The following AFG2A variants were observed in gnomAD, a reference collection of about 807,000 sequenced individuals.
AFG2A encodes ATPase family gene 2 protein homolog A.
the AFG2A span, among the ~76,000 whole-genome samples, chr4:122,980,950 A>G: frequency 1.3e-5 from 2 of 151,834 alleles, no homozygotes; most frequent in South Asian, 2.1e-4. Flanking sequence ...CTCCCATTCC[A>G]TAGGTTGTCT....
At chr4:123,248,314 G>C in the AFG2A span, among the ~76,000 whole-genome samples, 1 of 152,004 alleles carries the variant, frequency 6.6e-6, no homozygotes, top group Non-Finnish European at 1.5e-5. Flanking sequence ...ACATACTACT[G>C]CTTATTTTAT....
the AFG2A span, among the ~76,000 whole-genome samples, chr4:122,961,897 G>T: frequency 1.3e-5 from 2 of 152,222 alleles, no homozygotes; most frequent in Admixed American, 6.5e-5. Flanking sequence ...AAGTTAAATT[G>T]ATGTATATGT....
the AFG2A span, among the ~76,000 whole-genome samples, chr4:123,175,974 G>A: frequency 6.6e-6 from 1 of 152,168 alleles, no homozygotes; most frequent in East Asian, 1.9e-4. Flanking sequence ...GGAATTATAA[G>A]AGCTGAGCTT....
chr4:123,051,708 G>T, the AFG2A span, among the ~76,000 whole-genome samples: 2 of 98,546 alleles, frequency 2.0e-5, no homozygotes, highest in East Asian at 6.6e-4. Flanking sequence ...GGATAGTTTT[G>T]CTGGGTACAC....
the AFG2A span, among the ~76,000 whole-genome samples, chr4:123,056,024 T>C: frequency 6.6e-6 from 1 of 152,238 alleles, no homozygotes; most frequent in African/African-American, 2.4e-5. Flanking sequence ...ATCTGGTAAG[T>C]AGACCTGCTT....
the AFG2A span, among the ~76,000 whole-genome samples, chr4:123,311,158 G>C: frequency 6.6e-6 from 1 of 152,180 alleles, no homozygotes; most frequent in African/African-American, 2.4e-5. Context: ...AGACAGGGGA[G>C]TACTAAATAT....
At chr4:123,028,139 T>C in the AFG2A span, 7 of 1,512,666 alleles carry the variant, frequency 4.6e-6, no homozygotes, top group South Asian at 6.0e-5. Flanking sequence ...TTTAGTTCTC[T>C]GTTTGTCCTG....
chr4:122,965,482 T>G, the AFG2A span, among the ~76,000 whole-genome samples: 1 of 152,206 alleles, frequency 6.6e-6, no homozygotes, highest in South Asian at 2.1e-4. Flanking sequence ...GACATTTGGC[T>G]CTCTAAAGCA....
the AFG2A span, among the ~76,000 whole-genome samples, chr4:123,130,272 T>C: frequency 6.6e-6 from 1 of 152,230 alleles, no homozygotes; most frequent in Non-Finnish European, 1.5e-5. Flanking sequence ...TCACCTCAGC[T>C]TCCCAAAGTA....
the AFG2A span, chr4:122,934,454 G>T: frequency 6.2e-7 from 1 of 1,614,192 alleles, no homozygotes; most frequent in Non-Finnish European, 8.5e-7. Flanking sequence ...GAAGTCACAG[G>T]TCTTAAATGT....
At chr4:123,207,285 C>CTTTTTT in the AFG2A span, among the ~76,000 whole-genome samples, 12 of 108,474 alleles carry the variant, frequency 1.1e-4, no homozygotes, top group Non-Finnish European at 1.6e-4. Context: ...GTTGTGTTTC[C>CTTTTTT]TTTTTTTTTT....
At chr4:123,183,363 A>G in the AFG2A span, among the ~76,000 whole-genome samples, 5 of 152,238 alleles carry the variant, frequency 3.3e-5, no homozygotes, top group South Asian at 6.2e-4. Flanking sequence ...ATTGTTTTAC[A>G]TGATTGTATT....
chr4:122,929,091 A>G, the AFG2A span: 1 of 1,613,910 alleles, frequency 6.2e-7, no homozygotes, highest in Non-Finnish European at 8.5e-7. Flanking sequence ...GGTCGGCCTG[A>G]GTGAAATGGC....
the AFG2A span, among the ~76,000 whole-genome samples, chr4:123,284,464 A>C: frequency 6.6e-6 from 1 of 152,224 alleles, no homozygotes; most frequent in East Asian, 1.9e-4. Context: ...ACTTTCAGGA[A>C]TAGAAGTCAG....
At chr4:123,206,138 C>T in the AFG2A span, among the ~76,000 whole-genome samples, 11 of 152,180 alleles carry the variant, frequency 7.2e-5, no homozygotes, top group South Asian at 1.7e-3. Context: ...GAGGACTTTT[C>T]GAAATGTCTA....
chr4:122,946,921 T>G, the AFG2A span, among the ~76,000 whole-genome samples: 3 of 152,210 alleles, frequency 2.0e-5, no homozygotes, highest in South Asian at 6.2e-4. Flanking sequence ...TTATTTTTTA[T>G]GAGAATGATA....
the AFG2A span, among the ~76,000 whole-genome samples, chr4:123,143,579 T>C: frequency 6.6e-6 from 1 of 152,032 alleles, no homozygotes; most frequent in Admixed American, 6.6e-5. Context: ...TGTGCTGATA[T>C]AGGTACAAGA....
the AFG2A span, among the ~76,000 whole-genome samples, chr4:123,223,057 A>AGTGG: frequency 6.6e-6 from 1 of 152,182 alleles, no homozygotes; most frequent in African/African-American, 2.4e-5. Flanking sequence ...AATACCCAGA[A>AGTGG]GTGGGATTGC....
At chr4:123,193,973 C>T in the AFG2A span, among the ~76,000 whole-genome samples, 3 of 152,132 alleles carry the variant, frequency 2.0e-5, no homozygotes, top group African/African-American at 4.8e-5. Flanking sequence ...GAACTAACAT[C>T]CCCTGAGTAT....
Sources: allele counts gnomAD v4.1 joint callset (sites outside exome capture counted in the v4.1 genomes callset), GRCh38; gene constraint gnomAD v4.1.1; transcripts MANE v1.5; gene names NCBI Gene and HGNC (gene_info 2026-07-23, HGNC 2026-07-21).